The following TASP1 variants were observed in gnomAD, a reference collection of about 807,000 sequenced individuals.
TASP1 encodes the protein taspase 1.
Under a neutral mutation model 56.6 loss-of-function variants are expected in TASP1, and 16 were observed. The ratio of observed to expected loss-of-function variants is 0.28; its 90% CI spans 0.19 to 0.43. The LOEUF is 0.43. TASP1 is among the 20% of genes least tolerant of loss of function. The pLI is 1.00. For missense variants in TASP1, 393 were observed against 511.6 expected (o/e 0.77, Z 2.24); for synonymous variants, 179 against 184.2 (o/e 0.97, Z 0.23).
the TASP1 span, among the ~76,000 whole-genome samples, chr20:13,115,626 T>C: frequency 6.6e-6 from 1 of 152,182 alleles, no homozygotes; most frequent in African/African-American, 2.4e-5. Flanking sequence ...TTATTATGTA[T>C]GACATCCAGC....
the TASP1 span, among the ~76,000 whole-genome samples, chr20:13,144,442 C>A: frequency 1.3e-5 from 2 of 152,298 alleles, no homozygotes; most frequent in Admixed American, 6.5e-5. Flanking sequence ...CTATCATCCC[C>A]ATTTAACAGA....
chr20:13,216,416 A>C, the TASP1 span, among the ~76,000 whole-genome samples: 5 of 152,334 alleles, frequency 3.3e-5, no homozygotes, highest in East Asian at 9.7e-4. Context: ...TGACAAACTA[A>C]GTCATGTGGT....
At chr20:13,637,441 T>G in intron 1 of TASP1, among the ~76,000 whole-genome samples, 1 of 152,220 alleles carries the variant, frequency 6.6e-6, no homozygotes, top group South Asian at 2.1e-4. Context: ...TGTACACAGA[T>G]GTTTATAGCA....
At chr20:13,508,645 A>G (rs1387341231) in intron 10 of TASP1, among the ~76,000 whole-genome samples, 2 of 152,192 alleles carry the variant, frequency 1.3e-5, no homozygotes, top group African/African-American at 4.8e-5. Context: ...AATAAAATAA[A>G]CTAAAATAAC....
chr20:13,552,805 C>T (rs1039362413), intron 8 of TASP1, among the ~76,000 whole-genome samples: 2 of 152,188 alleles, frequency 1.3e-5, no homozygotes, highest in Non-Finnish European at 2.9e-5. Context: ...AAATAAAACA[C>T]TGTTAATGTT....
chr20:13,368,308 C>T, the TASP1 span: 1 of 152,138 alleles, frequency 6.6e-6, no homozygotes. Flanking sequence ...CTTTATTCAT[C>T]AATTATTTAT....
At chr20:13,319,260 C>T in the TASP1 span, among the ~76,000 whole-genome samples, 1 of 151,968 alleles carries the variant, frequency 6.6e-6, no homozygotes, top group African/African-American at 2.4e-5. Context: ...CCAAACAAGG[C>T]AAGGCCAACT....
chr20:13,524,944 A>G (rs1234311729), intron 10 of TASP1, among the ~76,000 whole-genome samples: 4 of 152,236 alleles, frequency 2.6e-5, no homozygotes, highest in African/African-American at 9.6e-5. Context: ...AACTGTACAC[A>G]TAGAAAGGTA....
At chr20:13,404,890 AT>A (rs1318217197) in intron 13 of TASP1, among the ~76,000 whole-genome samples, 1 of 152,162 alleles carries the variant, frequency 6.6e-6, no homozygotes, top group Non-Finnish European at 1.5e-5. Context: ...CATAAAAAAT[AT>A]TTTTAGCACA....
At chr20:13,334,457 G>C in the TASP1 span, among the ~76,000 whole-genome samples, 3 of 152,018 alleles carry the variant, frequency 2.0e-5, no homozygotes, top group Admixed American at 1.3e-4. Flanking sequence ...TTCTCTTTTG[G>C]TCTGCCAACT....
the TASP1 span, among the ~76,000 whole-genome samples, chr20:13,142,700 G>A: frequency 2.3e-4 from 35 of 152,210 alleles, 1 homozygote; most frequent in Non-Finnish European, 4.4e-5. Flanking sequence ...GTCAGCAGCT[G>A]CTGTTTTATC....
chr20:13,555,248 G>A (rs1330214375), intron 8 of TASP1, among the ~76,000 whole-genome samples: 1 of 151,888 alleles, frequency 6.6e-6, no homozygotes, highest in Non-Finnish European at 1.5e-5. Context: ...GCCAGGCGTG[G>A]TGGCGGGCGC....
chr20:13,223,313 C>T, the TASP1 span, among the ~76,000 whole-genome samples: 13 of 151,936 alleles, frequency 8.6e-5, no homozygotes, highest in Admixed American at 7.9e-4. Context: ...AAAACTTTAC[C>T]GTAAAGAGAA....
chr20:13,223,055 C>T, the TASP1 span, among the ~76,000 whole-genome samples: 8 of 151,878 alleles, frequency 5.3e-5, no homozygotes, highest in Non-Finnish European at 1.2e-4. Context: ...CCCAGTTACT[C>T]GGGAGGCTGA....
chr20:13,324,791 A>G, the TASP1 span, among the ~76,000 whole-genome samples: 2 of 152,210 alleles, frequency 1.3e-5, no homozygotes, highest in Non-Finnish European at 2.9e-5. Flanking sequence ...ACAAATTATT[A>G]GATATTACAT....
At chr20:13,467,797 A>T (rs772834329) in intron 11 of TASP1, among the ~76,000 whole-genome samples, 11 of 152,056 alleles carry the variant, frequency 7.2e-5, no homozygotes, top group Admixed American at 2.0e-4. Flanking sequence ...TGGGTAGATC[A>T]ACTGAGGTCA....
the TASP1 span, among the ~76,000 whole-genome samples, chr20:13,268,320 C>A: frequency 1.4e-5 from 2 of 147,506 alleles, no homozygotes; most frequent in Non-Finnish European, 3.0e-5. Flanking sequence ...TTTCTCTTCT[C>A]TTCTCTTTCT....
intron 1 of TASP1, among the ~76,000 whole-genome samples, chr20:13,634,558 C>A (rs769525683): frequency 6.6e-6 from 1 of 152,020 alleles, no homozygotes; most frequent in Non-Finnish European, 1.5e-5. Flanking sequence ...GGCGAAATCC[C>A]GTCTCTACTA....
chr20:13,181,016 T>C, the TASP1 span, among the ~76,000 whole-genome samples: 2 of 152,188 alleles, frequency 1.3e-5, no homozygotes, highest in Non-Finnish European at 2.9e-5. Context: ...TTAGCCCACC[T>C]TGGAGGTTAC....
Sources: allele counts gnomAD v4.1 joint callset (sites outside exome capture counted in the v4.1 genomes callset), GRCh38; gene constraint gnomAD v4.1.1; transcripts MANE v1.5; gene names NCBI Gene and HGNC (gene_info 2026-07-23, HGNC 2026-07-21).